Variants in ATP8A1 observed in about 807,000 individuals in gnomAD.
ATP8A1 encodes the protein ATPase phospholipid transporting 8A1.
A neutral mutation model predicts 177.7 loss-of-function variants in ATP8A1; 90 were observed. That is an observed-to-expected ratio of 0.51 (90% CI 0.43 to 0.60). The LOEUF is 0.60. Among genes scored for constraint, ATP8A1 ranks in the 20% least tolerant of loss-of-function variants. ATP8A1 has a pLI of 0.00. For synonymous variants in ATP8A1, 493 were observed against 485.9 expected (o/e 1.01, Z -0.19); for missense variants, 1,072 against 1,392.8 (o/e 0.77, Z 3.67).
At chr4:42,571,266 G>A (rs572956695) in intron 14 of ATP8A1, among the ~76,000 whole-genome samples, 8 of 152,246 alleles carry the variant, frequency 5.3e-5, no homozygotes, top group African/African-American at 1.9e-4. Flanking sequence ...GTCAAGTAAA[G>A]TTATTCACAC....
chr4:42,522,048 A>T, intron 22 of ATP8A1, 112 bp downstream of exon 22: 1 of 1,211,286 alleles, frequency 8.3e-7, no homozygotes, highest in Non-Finnish European at 1.1e-6. Flanking sequence ...GGTATTCAAT[A>T]GTGAATGGTA....
Position 42,408,799 on chromosome 4 carries a change from T to C in ATP8A1, c.*4117A>G, listed in dbSNP as rs1189992656. On this transcript the variant is annotated 3_prime_UTR_variant, in exon 37 of 37. Coordinates refer to ENST00000381668, the MANE Select transcript of ATP8A1 (RefSeq NM_006095.2). ...TAAACAACAGATAGTATTTACTGCA[T>C]TTATGGCTTCCATTTAGAACCATGA... is the stretch of plus-strand genomic sequence containing the variant. 1 of 152,244 alleles carries C rather than the reference T, an allele frequency of 6.6e-6. No homozygotes were observed. The highest frequency in any genetic ancestry group is 1.5e-5 in the Non-Finnish European group (1 of 68,030). The allele number at this position is 152,244 out of a possible 1,614,324, so 9.4% of individuals were successfully genotyped here.
intron 24 of ATP8A1, among the ~76,000 whole-genome samples, chr4:42,497,677 C>A (rs754787060): frequency 1.3e-5 from 2 of 152,176 alleles, no homozygotes; most frequent in African/African-American, 4.8e-5. Flanking sequence ...ATTCTATGAG[C>A]CCAGACAATG....
At chr4:42,471,950 C>T (rs1720467100) in intron 25 of ATP8A1, 1 of 681,830 alleles carries the variant, frequency 1.5e-6, no homozygotes, top group East Asian at 2.8e-5. Flanking sequence ...AGTATTACAG[C>T]AGCCAAAGAG....
intron 22 of ATP8A1, among the ~76,000 whole-genome samples, chr4:42,508,026 T>G (rs1456988255): frequency 6.6e-6 from 1 of 152,198 alleles, no homozygotes; most frequent in Non-Finnish European, 1.5e-5. Context: ...TAGTTCCACA[T>G]TTGTGTAGGG....
At chr4:42,416,213 G>A (rs980735403) in intron 35 of ATP8A1, among the ~76,000 whole-genome samples, 2 of 152,180 alleles carry the variant, frequency 1.3e-5, no homozygotes, top group East Asian at 1.9e-4. Context: ...TGAGGAAGTC[G>A]CAGCTTTAGC....
At chr4:42,632,471 C>A (rs1275326189) in intron 1 of ATP8A1, among the ~76,000 whole-genome samples, 1 of 152,024 alleles carries the variant, frequency 6.6e-6, no homozygotes, top group Non-Finnish European at 1.5e-5. Flanking sequence ...TCTAAGAGGC[C>A]AAATTTTGCA....
intron 33 of ATP8A1, among the ~76,000 whole-genome samples, chr4:42,439,064 G>A (rs897582486): frequency 6.8e-4 from 3 of 4,414 alleles, no homozygotes; most frequent in African/African-American, 7.7e-4. Context: ...ATAAAGTCCT[G>A]ATTGTGTGAA....
intron 12 of ATP8A1, among the ~76,000 whole-genome samples, chr4:42,577,658 T>C (rs191841233): frequency 6.6e-6 from 1 of 152,198 alleles, no homozygotes; most frequent in Admixed American, 6.5e-5. Context: ...ATTTAGAAAG[T>C]AGATGTCCAA....
chr4:42,607,828 T>C (rs138698508), intron 5 of ATP8A1, among the ~76,000 whole-genome samples: 1 of 147,088 alleles, frequency 6.8e-6, no homozygotes, highest in Non-Finnish European at 1.5e-5. Flanking sequence ...TCCTCCAATA[T>C]ATGGAAAGCG....
chr4:42,547,741 T>C (rs1047294352), intron 19 of ATP8A1, among the ~76,000 whole-genome samples: 5 of 152,178 alleles, frequency 3.3e-5, no homozygotes, highest in Non-Finnish European at 4.4e-5. Flanking sequence ...AAGCTTTAAA[T>C]AATAAGTCAG....
chr4:42,590,777 A>C, intron 7 of ATP8A1, 34 bp downstream of exon 7: 1 of 1,593,218 alleles, frequency 6.3e-7, no homozygotes, highest in Non-Finnish European at 8.6e-7. Context: ...GAGGACCCAC[A>C]TACACGCATC....
At chr4:42,572,974 C>T (rs1264846443) in intron 14 of ATP8A1, among the ~76,000 whole-genome samples, 2 of 152,176 alleles carry the variant, frequency 1.3e-5, no homozygotes, top group African/African-American at 4.8e-5. Context: ...CAATACTGAG[C>T]TCAGACCCAC....
rs1231809129 is a variant in ATP8A1 at position 42,446,620 on chromosome 4, G to T, written c.2921C>A (p.Thr974Asn). Residue 974 changes from threonine to asparagine, a missense_variant, in exon 31 of 37, where the codon ACC (threonine) becomes AAC (asparagine). Thr to Asn is a moderately conservative substitution (Grantham distance 65). Coordinates refer to ENST00000381668, the MANE Select transcript of ATP8A1 (RefSeq NM_006095.2). ...GTTTCCCAGTAGCAGATAATCCGAGGTTTTCCCATTTCCAAATGCAGTACC... is the reference window on the plus strand; with the variant it reads ...GTTTCCCAGTAGCAGATAATCCGAGTTTTTCCCATTTCCAAATGCAGTACC... Reference protein sequence around the residue: ...QYGTAFGNGKTSDYLLLGNFV... With the variant: ...QYGTAFGNGKNSDYLLLGNFV... 8.7e-6 allele frequency: 14 copies of T among 1,613,930 alleles called. No homozygotes were observed. The highest frequency in any genetic ancestry group is 1.2e-5 in the Non-Finnish European group (14 of 1,179,918).
chr4:42,423,390 G>C (rs1455465651), intron 34 of ATP8A1, among the ~76,000 whole-genome samples: 2 of 152,112 alleles, frequency 1.3e-5, no homozygotes, highest in Non-Finnish European at 2.9e-5. Flanking sequence ...ATTTTCTCCA[G>C]TGCCATTTAC....
chr4:42,555,325 C>G (rs1156738079), intron 16 of ATP8A1, among the ~76,000 whole-genome samples: 5 of 151,840 alleles, frequency 3.3e-5, no homozygotes, highest in African/African-American at 1.2e-4. Flanking sequence ...GAGCAGATAA[C>G]TTATTTCTAT....
Position 42,566,081 on chromosome 4 carries a change from G to A in ATP8A1, c.1340+3080C>T, listed in dbSNP as rs1731312835. On this transcript the variant is annotated intron_variant, in intron 15 of 36. Transcript: ENST00000381668. ...TATTTATATTAATACACCTAAGCGA[G>A]TAGAGCTACAACCATCATCTGATTA... 2.0e-5 allele frequency among the ~76,000 whole-genome samples: 3 copies of A among 152,172 alleles called. No individual in the cohort carries two copies. In the South Asian group the frequency reaches 6.2e-4, roughly 32 times the overall value.
chr4:42,435,036 T>C (rs1715755392), intron 33 of ATP8A1, among the ~76,000 whole-genome samples: 1 of 152,248 alleles, frequency 6.6e-6, no homozygotes, highest in African/African-American at 2.4e-5. Flanking sequence ...CTTTGGATGA[T>C]GCATGCTAGG....
chr4:42,430,086 G>T (rs1200381646), intron 33 of ATP8A1, among the ~76,000 whole-genome samples: 1 of 151,872 alleles, frequency 6.6e-6, no homozygotes, highest in Non-Finnish European at 1.5e-5. Context: ...TAATGCCATT[G>T]AATTTACACT....
Sources: gnomAD v4.1 joint callset for allele counts (sites outside exome capture counted in the v4.1 genomes callset) on GRCh38, gnomAD v4.1.1 for gene constraint, MANE v1.5 for transcripts, NCBI Gene and HGNC (gene_info 2026-07-23, HGNC 2026-07-21) for gene names.